Variants in OSBPL9 observed in about 807,000 individuals in gnomAD.
OSBPL9 encodes oxysterol binding protein like 9.
OSBPL9 carries 40 observed loss-of-function variants against 106.6 expected under a neutral mutation model. That is an observed-to-expected ratio of 0.38 (90% confidence interval 0.29 to 0.49). OSBPL9 has a LOEUF of 0.49. Ranked by LOEUF, OSBPL9 falls within the 20% of genes least tolerant of loss-of-function variation. The probability of loss-of-function intolerance (pLI) is 0.97; values close to 1 mark genes in which losing one functional copy is unlikely to be tolerated. For missense variants in OSBPL9, 609 were observed against 887.2 expected, an observed-to-expected ratio of 0.69 and a Z score of 3.98; for synonymous variants, 269 against 295.4, an observed-to-expected ratio of 0.91 and a Z score of 0.92.
At chr1:51,540,990 G>T in the OSBPL9 span, among the ~76,000 whole-genome samples, 1 of 151,088 alleles carries the variant, frequency 6.6e-6, no homozygotes, top group Non-Finnish European at 1.5e-5. Context: ...AATTACTCAG[G>T]CATGGTGGCG....
chr1:51,543,631 G>A, the OSBPL9 span, among the ~76,000 whole-genome samples: 1 of 152,094 alleles, frequency 6.6e-6, no homozygotes, highest in Non-Finnish European at 1.5e-5. Context: ...TCCTGACCTC[G>A]TGATCCACCC....
intron 1 of OSBPL9, among the ~76,000 whole-genome samples, chr1:51,580,357 C>A (rs1036793343): frequency 6.6e-6 from 1 of 152,086 alleles, no homozygotes; most frequent in Non-Finnish European, 1.5e-5. Context: ...AGTAGGTGCT[C>A]AATAAATGTT....
chr1:51,782,487 C>T (rs1571770092), intron 16 of OSBPL9, 72 bp from the exon 17 acceptor site: 1 of 1,225,012 alleles, frequency 8.2e-7, no homozygotes, highest in East Asian at 2.7e-5. Context: ...GCAGAGACCC[C>T]AATTACCAGA....
intron 1 of OSBPL9, among the ~76,000 whole-genome samples, chr1:51,591,795 G>C (rs1246703897): frequency 7.2e-6 from 1 of 138,790 alleles, no homozygotes; most frequent in East Asian, 2.0e-4. Flanking sequence ...GAAAGAAAGA[G>C]ACAGAGAGAG....
At chr1:51,546,001 C>T in the OSBPL9 span, among the ~76,000 whole-genome samples, 1 of 152,056 alleles carries the variant, frequency 6.6e-6, no homozygotes, top group African/African-American at 2.4e-5. Context: ...AAAGGCAAAA[C>T]TTCAAATGCA....
the OSBPL9 span, among the ~76,000 whole-genome samples, chr1:51,545,318 G>A: frequency 6.6e-6 from 1 of 152,026 alleles, no homozygotes; most frequent in Non-Finnish European, 1.5e-5. Context: ...GATACAACAG[G>A]CAAAACACAC....
At chr1:51,722,612 G>A (rs983295037) in intron 4 of OSBPL9, among the ~76,000 whole-genome samples, 1 of 152,220 alleles carries the variant, frequency 6.6e-6, no homozygotes, top group Admixed American at 6.5e-5. Flanking sequence ...TGAACAAGGC[G>A]TTGTGGGGTT....
At chr1:51,655,971 T>G (rs1175804180) in intron 2 of OSBPL9, among the ~76,000 whole-genome samples, 1 of 152,214 alleles carries the variant, frequency 6.6e-6, no homozygotes, top group Non-Finnish European at 1.5e-5. Flanking sequence ...AGGCTTTTAG[T>G]CAAGAAATAT....
At chr1:51,627,507 T>TA (rs781498646) in intron 1 of OSBPL9, among the ~76,000 whole-genome samples, 1 of 152,202 alleles carries the variant, frequency 6.6e-6, no homozygotes, top group East Asian at 1.9e-4. Context: ...TGTCTGTACT[T>TA]ACGCCTGTAC....
At chr1:51,772,755 G>T (rs2149109749) in intron 14 of OSBPL9, 32 bp downstream of exon 14, 2 of 1,444,574 alleles carry the variant, frequency 1.4e-6, no homozygotes, top group Middle Eastern at 1.7e-4. Context: ...GTCTGTGTGG[G>T]TATGTATGGA....
chr1:51,660,194 A>G (rs1392064279), intron 2 of OSBPL9, among the ~76,000 whole-genome samples: 1 of 152,162 alleles, frequency 6.6e-6, no homozygotes, highest in Admixed American at 6.6e-5. Flanking sequence ...GATGTATAAG[A>G]GGTATAAAAT....
At chr1:51,574,052 T>C (rs56142938), upstream of OSBPL9, 2 of 152,038 alleles carry the variant, frequency 1.3e-5, no homozygotes, top group South Asian at 4.2e-4. Flanking sequence ...TTTTTTCCAT[T>C]CATCTATGAG....
intron 2 of OSBPL9, among the ~76,000 whole-genome samples, chr1:51,655,004 G>GA (rs1399435788): frequency 5.3e-5 from 8 of 152,082 alleles, no homozygotes; most frequent in Admixed American, 1.3e-4. Context: ...TGATGATGGT[G>GA]ATCATCACAT....
At chr1:51,572,529 G>A (rs926282741), upstream of OSBPL9, among the ~76,000 whole-genome samples, 1 of 152,146 alleles carries the variant, frequency 6.6e-6, no homozygotes, top group Non-Finnish European at 1.5e-5. Context: ...GTTATACAGT[G>A]TCTTCCCCTG....
At chr1:51,740,226 T>C in intron 4 of OSBPL9, 1 of 1,533,854 alleles carries the variant, frequency 6.5e-7, no homozygotes, top group Non-Finnish European at 8.8e-7. Context: ...GTGATTGAAT[T>C]GTAAGTATGC....
intron 1 of OSBPL9, among the ~76,000 whole-genome samples, chr1:51,597,449 G>GTA (rs754306317): frequency 5.6e-4 from 77 of 137,524 alleles, no homozygotes; most frequent in Admixed American, 1.0e-3. Flanking sequence ...GTGTGTGTGT[G>GTA]TGTGTGTGTG....
At chr1:51,599,460 CA>C (rs1272134735) in intron 2 of OSBPL9, among the ~76,000 whole-genome samples, 3 of 151,986 alleles carry the variant, frequency 2.0e-5, no homozygotes, top group Non-Finnish European at 4.4e-5. Flanking sequence ...GTCCCTAGCA[CA>C]GTGAATGTTA....
At chr1:51,740,229 A>G (rs1036219678) in intron 4 of OSBPL9, 33 of 1,531,066 alleles carry the variant, frequency 2.2e-5, no homozygotes, top group Non-Finnish European at 2.8e-5. Context: ...ATTGAATTGT[A>G]AGTATGCTCT....
At chr1:51,527,705 G>A in the OSBPL9 span, among the ~76,000 whole-genome samples, 377 of 152,198 alleles carry the variant, frequency 2.5e-3, no homozygotes, top group Admixed American at 4.8e-3. Context: ...CCTGCCTGGG[G>A]TGAGATTTAA....
Sources: gnomAD v4.1 joint callset for allele counts (sites outside exome capture counted in the v4.1 genomes callset) on GRCh38, gnomAD v4.1.1 for gene constraint, MANE v1.5 for transcripts, NCBI Gene and HGNC (gene_info 2026-07-23, HGNC 2026-07-21) for gene names.